Variants in GLIS3 observed in about 807,000 individuals in gnomAD.
The protein encoded by GLIS3 is zinc finger protein GLIS3.
Under a neutral mutation model 78.6 loss-of-function variants are expected in GLIS3, and 53 were observed. That is an observed-to-expected ratio of 0.67 (90% CI 0.54 to 0.85). The LOEUF (loss-of-function observed/expected upper bound fraction) is 0.85, where lower values mean the gene tolerates loss of function less well. Ranked by LOEUF, GLIS3 falls within the 40% of genes least tolerant of loss-of-function variation. GLIS3 has a pLI of 0.00. For synonymous variants in GLIS3, 684 were observed against 509.9 expected, an observed-to-expected ratio of 1.34 and a Z score of -4.60; for missense variants, 1,703 against 1,231.1, an observed-to-expected ratio of 1.38 and a Z score of -5.74.
the GLIS3 span, among the ~76,000 whole-genome samples, chr9:4,423,443 C>T: frequency 2.6e-5 from 4 of 152,076 alleles, no homozygotes; most frequent in African/African-American, 4.8e-5. Context: ...CCCAACTTCC[C>T]ACACCCCTCC....
intron 9 of GLIS3, among the ~76,000 whole-genome samples, chr9:3,836,178 T>C (rs1441130410): frequency 6.6e-6 from 1 of 152,228 alleles, no homozygotes; most frequent in Non-Finnish European, 1.5e-5. Context: ...GCAGATTTCC[T>C]GCCGTTGGTG....
chr9:3,848,363 G>T (rs569806864), intron 9 of GLIS3, among the ~76,000 whole-genome samples: 1 of 152,014 alleles, frequency 6.6e-6, no homozygotes, highest in South Asian at 2.1e-4. Context: ...TTAGCTGGGC[G>T]TGGTGGCGCA....
chr9:3,994,512 C>G (rs867009612), intron 4 of GLIS3, among the ~76,000 whole-genome samples: 56 of 152,302 alleles, frequency 3.7e-4, no homozygotes, highest in African/African-American at 1.3e-3. Flanking sequence ...TAAAACACCA[C>G]AAAGAGTAAA....
chr9:4,451,076 C>T, the GLIS3 span, among the ~76,000 whole-genome samples: 2 of 152,148 alleles, frequency 1.3e-5, no homozygotes, highest in Non-Finnish European at 2.9e-5. Flanking sequence ...GTGTCAAGAT[C>T]CATCAGTGTG....
chr9:4,286,213 C>G lies in GLIS3; in HGVS notation c.213G>C (p.Gln71His). 1 of 1,614,210 alleles carries G rather than the reference C, an allele frequency of 6.2e-7. No individual in the cohort carries two copies. The highest frequency in any genetic ancestry group is 8.5e-7 in the Non-Finnish European group (1 of 1,180,036). Residue 71 changes from glutamine to histidine, a missense_variant, in exon 2 of 11, where the codon CAG (glutamine) becomes CAC (histidine). By Grantham distance (24) the Gln-to-His change is conservative. Coordinates refer to ENST00000381971, the MANE Select transcript of GLIS3 (RefSeq NM_001042413.2). ...GGATGCGGCTCTCAGCCACGTTGTT[C>G]TGAGGAGCCATCCCTCCTCCTGAGG... ...KMPSGGGMAP[Q>H]NNVAESRIHL... is the part of the protein sequence containing the mutation.
intron 4 of GLIS3, among the ~76,000 whole-genome samples, chr9:4,038,937 A>T (rs533914309): frequency 4.3e-4 from 65 of 152,232 alleles, no homozygotes; most frequent in Middle Eastern, 6.8e-3. Flanking sequence ...AATTTCCCCA[A>T]CTGAGGAACT....
At chr9:4,049,472 C>A (rs1825531385) in intron 4 of GLIS3, among the ~76,000 whole-genome samples, 1 of 152,198 alleles carries the variant, frequency 6.6e-6, no homozygotes, top group Non-Finnish European at 1.5e-5. Context: ...TTAAAGGCTG[C>A]AACTACTGCC....
chr9:4,404,664 G>C, the GLIS3 span, among the ~76,000 whole-genome samples: 1 of 152,078 alleles, frequency 6.6e-6, no homozygotes, highest in African/African-American at 2.4e-5. Flanking sequence ...AAGATTTCTT[G>C]AAACAAATGA....
the GLIS3 span, among the ~76,000 whole-genome samples, chr9:4,487,526 C>T: frequency 6.6e-6 from 1 of 152,022 alleles, no homozygotes; most frequent in African/African-American, 2.4e-5. Context: ...AAATACTTTA[C>T]CCCGAGAACC....
chr9:3,846,187 G>A (rs769379661), intron 9 of GLIS3, among the ~76,000 whole-genome samples: 28 of 152,092 alleles, frequency 1.8e-4, no homozygotes, highest in Non-Finnish European at 2.2e-4. Context: ...ATAAGGAACC[G>A]CATATTTATG....
At position 4,299,437 on chromosome 9, in the gene GLIS3, C is replaced by T. The variant is rs886063958; in HGVS notation, c.-115G>A. On this transcript the variant is annotated 5_prime_UTR_variant, in exon 1 of 11. Coordinates refer to ENST00000381971, the MANE Select transcript of GLIS3 (RefSeq NM_001042413.2). Reference sequence around the variant, plus strand: ...TCCACTTACCAGGTAACCGGGATTTCCACAACAAAGCCCGGCGTGCGGGTC... The same window carrying T: ...TCCACTTACCAGGTAACCGGGATTTTCACAACAAAGCCCGGCGTGCGGGTC... 23 of 152,554 alleles carry T rather than the reference C, an allele frequency of 1.5e-4. No individual in the cohort carries two copies. The highest frequency in any genetic ancestry group is 9.8e-4 in the Admixed American group (15 of 15,310). 9.5% of individuals were successfully genotyped at this position (152,554 alleles called of 1,614,324 possible).
At chr9:4,127,162 G>A (rs1257210814) in intron 2 of GLIS3, among the ~76,000 whole-genome samples, 2 of 152,122 alleles carry the variant, frequency 1.3e-5, no homozygotes, top group Non-Finnish European at 2.9e-5. Context: ...ATCATTAGCT[G>A]CCAGGAATCC....
chr9:4,320,057 T>A (rs1297311018), intron 2 of GLIS3, among the ~76,000 whole-genome samples: 1 of 151,842 alleles, frequency 6.6e-6, no homozygotes, highest in African/African-American at 2.4e-5. Flanking sequence ...AGTTGCTAAG[T>A]AAGAAACATA....
At chr9:4,052,683 A>G (rs1375715912) in intron 4 of GLIS3, among the ~76,000 whole-genome samples, 1 of 152,208 alleles carries the variant, frequency 6.6e-6, no homozygotes, top group African/African-American at 2.4e-5. Flanking sequence ...CTAAAATTTC[A>G]CTATATGGAT....
the GLIS3 span, among the ~76,000 whole-genome samples, chr9:4,381,710 C>T: frequency 6.6e-6 from 1 of 152,186 alleles, no homozygotes; most frequent in Admixed American, 6.5e-5. Flanking sequence ...GCACTTTCAC[C>T]TTATTCCATC....
At chr9:4,481,343 G>A in the GLIS3 span, among the ~76,000 whole-genome samples, 1 of 152,094 alleles carries the variant, frequency 6.6e-6, no homozygotes, top group East Asian at 1.9e-4. Flanking sequence ...AATTAGCCGG[G>A]TATGGTGGTG....
At chr9:4,462,629 A>G in the GLIS3 span, among the ~76,000 whole-genome samples, 13 of 135,288 alleles carry the variant, frequency 9.6e-5, no homozygotes, top group Admixed American at 2.2e-4. Context: ...ACACACACAC[A>G]CACAGACACG....
chr9:4,267,474 T>C (rs890716005), intron 2 of GLIS3, among the ~76,000 whole-genome samples: 2 of 152,044 alleles, frequency 1.3e-5, no homozygotes, highest in East Asian at 1.9e-4. Context: ...ACAGCAAAAA[T>C]AGAAAATGAA....
chr9:3,857,466 T>G (rs1333770201), intron 8 of GLIS3, among the ~76,000 whole-genome samples: 2 of 152,240 alleles, frequency 1.3e-5, no homozygotes, highest in South Asian at 4.1e-4. Context: ...GTTTGTACTG[T>G]AGCAGTAAGA....
Sources: gnomAD v4.1 joint callset for allele counts (sites outside exome capture counted in the v4.1 genomes callset) on GRCh38, gnomAD v4.1.1 for gene constraint, MANE v1.5 for transcripts, NCBI Gene and HGNC (gene_info 2026-07-23, HGNC 2026-07-21) for gene names.